The following MAPKAP1 variants were observed in gnomAD, a reference collection of about 807,000 sequenced individuals.
The protein encoded by MAPKAP1 is MAPK associated protein 1.
MAPKAP1 carries 20 observed loss-of-function variants against 65.7 expected under a neutral mutation model. The ratio of observed to expected loss-of-function variants is 0.30; its 90% CI spans 0.21 to 0.44. The LOEUF (loss-of-function observed/expected upper bound fraction) is 0.44. Ranked by LOEUF, MAPKAP1 falls within the 20% of genes least tolerant of loss-of-function variation. The probability of loss-of-function intolerance (pLI) is 1.00; values close to 1 mark genes in which losing one functional copy is unlikely to be tolerated. For missense variants in MAPKAP1, 423 were observed against 648.0 expected (o/e 0.65, Z 3.77); for synonymous variants, 222 against 244.3 (o/e 0.91, Z 0.85).
intron 10 of MAPKAP1, among the ~76,000 whole-genome samples, chr9:125,466,781 T>A (rs1165800251): frequency 2.6e-5 from 4 of 151,888 alleles, no homozygotes; most frequent in Non-Finnish European, 4.4e-5. Context: ...CCCCCTAAGT[T>A]CTCCCTTTTT....
intron 5 of MAPKAP1, among the ~76,000 whole-genome samples, chr9:125,584,125 T>G (rs1251113308): frequency 6.6e-6 from 1 of 152,100 alleles, no homozygotes; most frequent in East Asian, 1.9e-4. Context: ...TGTGACACCT[T>G]TTCCTGTTTC....
At chr9:125,694,113 G>A (rs1300218194) in intron 1 of MAPKAP1, among the ~76,000 whole-genome samples, 1 of 152,038 alleles carries the variant, frequency 6.6e-6, no homozygotes, top group African/African-American at 2.4e-5. Flanking sequence ...TAGATCACCT[G>A]AGGTCAGGAG....
intron 8 of MAPKAP1, among the ~76,000 whole-genome samples, chr9:125,502,530 T>C (rs1829014947): frequency 6.6e-6 from 1 of 152,252 alleles, no homozygotes; most frequent in Non-Finnish European, 1.5e-5. Flanking sequence ...TTCTAATTTC[T>C]ATTATTATTT....
intron 6 of MAPKAP1, 105 bp from the exon 7 acceptor site, chr9:125,543,273 T>C (rs900103289): frequency 7.0e-6 from 6 of 855,348 alleles, no homozygotes; most frequent in African/African-American, 6.8e-5. Flanking sequence ...TTGTTTGTTT[T>C]GTTTTGTTTT....
chr9:125,666,545 G>A (rs1015097530), intron 3 of MAPKAP1, among the ~76,000 whole-genome samples: 1 of 152,208 alleles, frequency 6.6e-6, no homozygotes, highest in African/African-American at 2.4e-5. Flanking sequence ...TCATGTGCCT[G>A]TAGTCCTAGC....
intron 6 of MAPKAP1, among the ~76,000 whole-genome samples, chr9:125,550,236 A>G (rs1262522490): frequency 1.3e-5 from 2 of 152,214 alleles, no homozygotes; most frequent in African/African-American, 4.8e-5. Flanking sequence ...AGCAAGACTG[A>G]CATTGTATTA....
At chr9:125,649,180 C>G (rs1833818840) in intron 4 of MAPKAP1, among the ~76,000 whole-genome samples, 1 of 152,186 alleles carries the variant, frequency 6.6e-6, no homozygotes, top group Admixed American at 6.5e-5. Flanking sequence ...CTAGTCCCCT[C>G]CATACCTACA....
chr9:125,440,080 G>T (rs1852424618), intron 11 of MAPKAP1, among the ~76,000 whole-genome samples: 1 of 152,226 alleles, frequency 6.6e-6, no homozygotes, highest in Non-Finnish European at 1.5e-5. Context: ...AGTGAAATGA[G>T]GTGGTGGGAG....
intron 9 of MAPKAP1, among the ~76,000 whole-genome samples, chr9:125,480,721 C>T (rs1021332350): frequency 1.3e-5 from 2 of 151,144 alleles, no homozygotes; most frequent in Non-Finnish European, 2.9e-5. Flanking sequence ...GCCTGTAATC[C>T]CAGCACTTTG....
At chr9:125,530,073 G>C (rs1458119784) in intron 7 of MAPKAP1, among the ~76,000 whole-genome samples, 1 of 152,144 alleles carries the variant, frequency 6.6e-6, no homozygotes, top group African/African-American at 2.4e-5. Flanking sequence ...CCAGTATCAG[G>C]CCTCTGTAAG....
At chr9:125,558,926 C>T (rs1354977096) in intron 6 of MAPKAP1, among the ~76,000 whole-genome samples, 1 of 152,222 alleles carries the variant, frequency 6.6e-6, no homozygotes, top group Non-Finnish European at 1.5e-5. Context: ...ATAGCTAACA[C>T]TACAGCACAT....
At chr9:125,467,659 G>A (rs1353908609) in intron 10 of MAPKAP1, among the ~76,000 whole-genome samples, 1 of 152,218 alleles carries the variant, frequency 6.6e-6, no homozygotes, top group African/African-American at 2.4e-5. Flanking sequence ...AAAGGGAAAT[G>A]AGGGCTCTGG....
chr9:125,692,714 C>T (rs1222427428), intron 1 of MAPKAP1, among the ~76,000 whole-genome samples: 1 of 152,194 alleles, frequency 6.6e-6, no homozygotes, highest in Non-Finnish European at 1.5e-5. Flanking sequence ...ATCCATGCTA[C>T]ATCCTAGATT....
At chr9:125,613,725 G>T (rs1471268170) in intron 4 of MAPKAP1, among the ~76,000 whole-genome samples, 1 of 152,066 alleles carries the variant, frequency 6.6e-6, no homozygotes, top group Non-Finnish European at 1.5e-5. Flanking sequence ...TTATTAGCAG[G>T]TTCCGCCAAA....
At chr9:125,546,186 T>G (rs1374054907) in intron 6 of MAPKAP1, among the ~76,000 whole-genome samples, 1 of 152,230 alleles carries the variant, frequency 6.6e-6, no homozygotes, top group Non-Finnish European at 1.5e-5. Flanking sequence ...GCCCTCGGAA[T>G]GGACCTTCGT....
chr9:125,476,657 T>C (rs1484899555), intron 9 of MAPKAP1, among the ~76,000 whole-genome samples: 1 of 152,194 alleles, frequency 6.6e-6, no homozygotes, highest in East Asian at 1.9e-4. Flanking sequence ...GCTGCTGCTT[T>C]CACTCACTAT....
At chr9:125,592,230 A>T (rs1408294185) in intron 4 of MAPKAP1, among the ~76,000 whole-genome samples, 1 of 152,226 alleles carries the variant, frequency 6.6e-6, no homozygotes, top group African/African-American at 2.4e-5. Flanking sequence ...AGAGCCCAGA[A>T]GCAACCCAGG....
intron 7 of MAPKAP1, among the ~76,000 whole-genome samples, chr9:125,515,969 A>G (rs951835539): frequency 1.3e-5 from 2 of 152,222 alleles, no homozygotes; most frequent in Admixed American, 6.5e-5. Flanking sequence ...TAATTTGGCG[A>G]ATGATGATGA....
intron 10 of MAPKAP1, 92 bp downstream of exon 10, chr9:125,467,880 C>T (rs1031021370): frequency 7.3e-6 from 10 of 1,361,012 alleles, no homozygotes; most frequent in Non-Finnish European, 1.0e-5. Flanking sequence ...GAAAAAAGGA[C>T]ACAGTGGCAA....
Sources: allele counts gnomAD v4.1 joint callset (sites outside exome capture counted in the v4.1 genomes callset), GRCh38; gene constraint gnomAD v4.1.1; transcripts MANE v1.5; gene names NCBI Gene and HGNC (gene_info 2026-07-23, HGNC 2026-07-21).